CNGA1: variants seen among roughly 807,000 people sequenced by gnomAD.
CNGA1 encodes the protein cyclic nucleotide gated channel subunit alpha 1.
CNGA1 carries 53 observed loss-of-function variants against 69.7 expected under a neutral mutation model. The observed-to-expected ratio is 0.76, with a 90% CI of 0.61 to 0.96. The LOEUF (loss-of-function observed/expected upper bound fraction) is 0.96. CNGA1 is among the 40% of genes least tolerant of loss of function. The probability of loss-of-function intolerance (pLI) is 0.00; values close to 1 mark genes in which losing one functional copy is unlikely to be tolerated. For missense variants in CNGA1, 739 were observed against 811.2 expected, an observed-to-expected ratio of 0.91 and a Z score of 1.08; for synonymous variants, 249 against 283.5, an observed-to-expected ratio of 0.88 and a Z score of 1.22.
chr4:47,951,023 T>TC (rs1739706656), intron 5 of CNGA1, among the ~76,000 whole-genome samples: 1 of 152,128 alleles, frequency 6.6e-6, no homozygotes, highest in South Asian at 2.1e-4. Flanking sequence ...GCAAGAGTGT[T>TC]TACAACTTGG....
At chr4:47,955,372 A>G (rs1287742199) in intron 3 of CNGA1, among the ~76,000 whole-genome samples, 1 of 151,736 alleles carries the variant, frequency 6.6e-6, no homozygotes, top group Non-Finnish European at 1.5e-5. Flanking sequence ...TACTAGAGAC[A>G]GGGTTTCGCC....
At chr4:47,968,041 A>G (rs892655766) in intron 3 of CNGA1, among the ~76,000 whole-genome samples, 2 of 152,218 alleles carry the variant, frequency 1.3e-5, no homozygotes, top group African/African-American at 2.4e-5. Flanking sequence ...GCACACATGT[A>G]CAATGCACAG....
intron 6 of CNGA1, among the ~76,000 whole-genome samples, chr4:47,948,887 G>A (rs1024416782): frequency 6.6e-6 from 1 of 152,254 alleles, no homozygotes; most frequent in Admixed American, 6.5e-5. Context: ...GCTGGCTAAG[G>A]GTGAGAGGAC....
At chr4:48,006,150 A>G (rs1333394133) in intron 2 of CNGA1, among the ~76,000 whole-genome samples, 1 of 152,096 alleles carries the variant, frequency 6.6e-6, no homozygotes, top group African/African-American at 2.4e-5. Flanking sequence ...TGAATATTTT[A>G]TCTCTCCATG....
intron 3 of CNGA1, among the ~76,000 whole-genome samples, chr4:47,960,323 G>A (rs555445915): frequency 1.3e-5 from 2 of 152,242 alleles, no homozygotes; most frequent in African/African-American, 4.8e-5. Flanking sequence ...CAAACTGTCT[G>A]GCAGTTACCT....
At chr4:48,003,581 A>G (rs543540093) in intron 2 of CNGA1, among the ~76,000 whole-genome samples, 5 of 152,354 alleles carry the variant, frequency 3.3e-5, no homozygotes, top group Admixed American at 3.3e-4. Context: ...ATATGATTAT[A>G]TATGAATATT....
In CNGA1 at chr4:47,942,041, C is replaced by G; in HGVS notation, c.545G>C (p.Arg182Thr). Reference sequence around the variant, plus strand: ...AAAAAAAAAAAAAAATTATAGACACCTGGCAATAACCATTGTCCAGTTGTA... The same window carrying G: ...AAAAAAAAAAAAAAATTATAGACACGTGGCAATAACCATTGTCCAGTTGTA... ...VMYNWTMVIA[R>T]ACFDELQSDY... The change falls in exon 9 of 11, where the codon AGA (arginine) becomes ACA (threonine). Residue 182 changes from arginine (R) to threonine (T), a missense_variant and splice_region_variant. By Grantham distance (71) the Arg-to-Thr change is moderately conservative (BLOSUM62 -1). Coordinates refer to ENST00000514170, the MANE Select transcript of CNGA1 (RefSeq NM_001379270.1). 6.4e-7 allele frequency: 1 copy of G among 1,574,670 alleles called. No homozygotes were observed.
intron 2 of CNGA1, among the ~76,000 whole-genome samples, chr4:48,003,334 G>A (rs1714748738): frequency 6.6e-6 from 1 of 152,168 alleles, no homozygotes; most frequent in South Asian, 2.1e-4. Flanking sequence ...ATCCCAGTGA[G>A]CAGAGGGCTG....
intron 2 of CNGA1, among the ~76,000 whole-genome samples, chr4:47,991,345 G>A (rs1029937737): frequency 1.3e-5 from 2 of 152,142 alleles, no homozygotes; most frequent in Non-Finnish European, 2.9e-5. Context: ...TTTGATTATG[G>A]CCATTCTTGC....
At chr4:47,986,057 G>A (rs1196740860) in intron 2 of CNGA1, among the ~76,000 whole-genome samples, 1 of 152,160 alleles carries the variant, frequency 6.6e-6, no homozygotes, top group Non-Finnish European at 1.5e-5. Flanking sequence ...ATTGCTGAGG[G>A]CTTAACTGTA....
In CNGA1 at chr4:47,939,303, G is replaced by A. The variant is rs183784519; in HGVS notation, c.652+1460C>T. ...TGGGGTTTGGAGCATTATCAGGTTA[G>A]TGAACACATCTATGAACTAGGAGGG... On this transcript the variant is annotated intron_variant, in intron 10 of 10. Coordinates refer to ENST00000514170, the MANE Select transcript of CNGA1 (RefSeq NM_001379270.1). 1.6e-4 allele frequency among the ~76,000 whole-genome samples: 25 copies of A among 152,304 alleles called. 1 individual carries two copies. Among genetic ancestry groups the A allele is most frequent in the Non-Finnish European group, 3.4e-4 (23 of 68,034 alleles).
At chr4:48,015,449 G>A (rs1426700773) in intron 1 of CNGA1, among the ~76,000 whole-genome samples, 1 of 152,132 alleles carries the variant, frequency 6.6e-6, no homozygotes, top group Admixed American at 6.5e-5. Context: ...GAAACTCTTA[G>A]GTAATAAAAT....
At chr4:48,009,859 A>G (rs1715075669) in intron 2 of CNGA1, among the ~76,000 whole-genome samples, 1 of 152,178 alleles carries the variant, frequency 6.6e-6, no homozygotes, top group African/African-American at 2.4e-5. Flanking sequence ...TTAAGAAGGT[A>G]TTTGATTTAA....
intron 10 of CNGA1, among the ~76,000 whole-genome samples, chr4:47,938,807 T>C (rs1465825717): frequency 2.0e-5 from 3 of 151,872 alleles, no homozygotes; most frequent in Non-Finnish European, 4.4e-5. Context: ...CCAGGTGTAG[T>C]GGCTCACACC....
chr4:47,955,694 G>A (rs16860815), intron 3 of CNGA1, among the ~76,000 whole-genome samples: 15,878 of 152,056 alleles, frequency 0.1, 1,305 homozygotes, highest in East Asian at 0.31. Context: ...CTGACTCCTC[G>A]CCCTTGACCT....
chr4:47,936,816 G>C lies in CNGA1; in HGVS notation c.1666C>G (p.Arg556Gly). 6.2e-7 allele frequency: 1 copy of C among 1,614,056 alleles called. No homozygotes were observed. The highest frequency in any genetic ancestry group is 8.5e-7 in the Non-Finnish European group (1 of 1,180,036). ...LNIKGSKAGNRRTANIKSIGY... is the reference protein window; with the variant it reads ...LNIKGSKAGNGRTANIKSIGY... ...ATACTTTTAATATTGGCCGTTCTTC[G>C]ATTGCCAGCTTTGCTCCCTTTAATG... The change falls in exon 11 of 11, where the codon CGA becomes GGA. Residue 556 changes from arginine to glycine, a missense_variant. Coordinates refer to ENST00000514170, the MANE Select transcript of CNGA1 (RefSeq NM_001379270.1).
At chr4:47,982,620 CTTAAA>C (rs1055968661) in intron 2 of CNGA1, among the ~76,000 whole-genome samples, 2 of 152,020 alleles carry the variant, frequency 1.3e-5, no homozygotes, top group Non-Finnish European at 2.9e-5. Context: ...CCATTATATT[CTTAAA>C]TTAAAATTAT....
chr4:47,937,326 C>CAAA lies in CNGA1; in HGVS notation c.1153_1155dup (p.Phe385dup), dbSNP rs1484248137. Reference sequence around the variant, plus strand: ...GAACCTATGTTACCAACGATGGTAGCAAAAATTAACACTCCAATTAGGAAA... The same window carrying CAAA: ...GAACCTATGTTACCAACGATGGTAGCAAAAAAAATTAACACTCCAATTAGGAAA... On this transcript the variant is annotated inframe_insertion, in exon 11 of 11. Transcript: ENST00000514170. The CAAA allele has an allele frequency of 6.2e-7, 1 of 1,613,892 alleles. No homozygotes were observed. The highest frequency in any genetic ancestry group is 1.3e-5 in the African/African-American group (1 of 74,912).
intron 2 of CNGA1, 81 bp downstream of exon 2, chr4:48,010,713 C>G (rs1456496542): frequency 6.5e-6 from 1 of 153,600 alleles, no homozygotes; most frequent in African/African-American, 2.4e-5. Context: ...AGGCACTTAG[C>G]CGTGCAGGAA....
Sources: allele counts gnomAD v4.1 joint callset (sites outside exome capture counted in the v4.1 genomes callset), GRCh38; gene constraint gnomAD v4.1.1; transcripts MANE v1.5; gene names NCBI Gene and HGNC (gene_info 2026-07-23, HGNC 2026-07-21).